TGFBR1: variants seen among roughly 807,000 people sequenced by gnomAD.
TGFBR1 encodes the protein transforming growth factor beta receptor 1, also known as TGF-beta receptor type-1.
In TGFBR1, 20 loss-of-function variants were observed where a neutral mutation model predicts 55.1. The ratio of observed to expected loss-of-function variants is 0.36; its 90% CI spans 0.26 to 0.53. TGFBR1 has a LOEUF of 0.53. Among genes scored for constraint, TGFBR1 ranks in the 20% least tolerant of loss-of-function variants. The pLI is 0.91. For synonymous variants in TGFBR1, 220 were observed against 214.8 expected, an observed-to-expected ratio of 1.02 and a Z score of -0.21; for missense variants, 385 against 617.6, an observed-to-expected ratio of 0.62 and a Z score of 3.99.
At chr9:99,107,759 G>A (rs893575366) in intron 1 of TGFBR1, among the ~76,000 whole-genome samples, 1 of 152,164 alleles carries the variant, frequency 6.6e-6, no homozygotes, top group Non-Finnish European at 1.5e-5. Context: ...CCATCTCTGA[G>A]TATCCTACCA....
intron 5 of TGFBR1, among the ~76,000 whole-genome samples, chr9:99,143,606 G>C (rs1184122727): frequency 6.6e-6 from 1 of 152,136 alleles, no homozygotes; most frequent in Non-Finnish European, 1.5e-5. Flanking sequence ...TCACATCTTA[G>C]CTCCATCTTT....
chr9:99,108,813 C>T (rs1474643142), intron 1 of TGFBR1, among the ~76,000 whole-genome samples: 1 of 152,094 alleles, frequency 6.6e-6, no homozygotes, highest in Non-Finnish European at 1.5e-5. Context: ...TAGTACATAG[C>T]TGGAAACAAA....
At chr9:99,121,887 T>C (rs1225573310) in intron 1 of TGFBR1, among the ~76,000 whole-genome samples, 2 of 152,092 alleles carry the variant, frequency 1.3e-5, no homozygotes, top group Non-Finnish European at 1.5e-5. Flanking sequence ...GCAGAGTGTT[T>C]CCTGGATGTA....
At chr9:99,134,801 A>G in intron 3 of TGFBR1, among the ~76,000 whole-genome samples, 1 of 48,978 alleles carries the variant, frequency 2.0e-5, no homozygotes, top group East Asian at 8.3e-4. Flanking sequence ...TTCTGTTTCC[A>G]TTATATATAT....
At chr9:99,111,906 G>A (rs1161399781) in intron 1 of TGFBR1, among the ~76,000 whole-genome samples, 1 of 152,186 alleles carries the variant, frequency 6.6e-6, no homozygotes, top group Non-Finnish European at 1.5e-5. Flanking sequence ...AGCAACCACA[G>A]GGACTGCTTT....
chr9:99,110,712 C>T (rs1826541827), intron 1 of TGFBR1, among the ~76,000 whole-genome samples: 1 of 152,120 alleles, frequency 6.6e-6, no homozygotes, highest in African/African-American at 2.4e-5. Flanking sequence ...TACCATAAAC[C>T]CCATCTGCCT....
intron 5 of TGFBR1, 70 bp downstream of exon 5, chr9:99,142,773 T>A: frequency 6.4e-7 from 1 of 1,573,866 alleles, no homozygotes; most frequent in Non-Finnish European, 8.7e-7. Context: ...AAATAGAAGG[T>A]GGAGGCTGGG....
chr9:99,107,386 A>G lies in TGFBR1; in HGVS notation c.97+2084A>G, dbSNP rs368604130. On this transcript the variant is annotated intron_variant, in intron 1 of 8. Coordinates refer to ENST00000374994, the MANE Select transcript of TGFBR1 (RefSeq NM_004612.4). The stretch of plus-strand genomic sequence containing the variant: ...TTCTGTCTCCAACATAGGTTTCTCT[A>G]GGGAAATTGATTCCTTATCCCTAGT... Among the ~76,000 whole-genome samples, 5 of 152,366 alleles carry G rather than the reference A, an allele frequency of 3.3e-5. No homozygotes were observed. The East Asian group carries it at 7.7e-4, about 23-fold the overall frequency.
Position 99,149,327 on chromosome 9 carries a change from C to A in TGFBR1, c.*22C>A, listed in dbSNP as rs754777682. On this transcript the variant is annotated 3_prime_UTR_variant, in exon 9 of 9. Transcript: ENST00000374994. ...GTAATTCTACAGCTTTGCCTGAACT[C>A]TCCTTTTTTCTTCAGATCTGCTCCT... is the stretch of plus-strand genomic sequence containing the variant. 1 of 1,613,140 alleles carries A rather than the reference C, an allele frequency of 6.2e-7. No individual in the cohort carries two copies. Among genetic ancestry groups the A allele is most frequent in the Non-Finnish European group, 8.5e-7 (1 of 1,179,422 alleles).
intron 4 of TGFBR1, among the ~76,000 whole-genome samples, chr9:99,139,168 G>A (rs1170516811): frequency 6.7e-6 from 1 of 149,040 alleles, no homozygotes; most frequent in African/African-American, 2.5e-5. Flanking sequence ...CCCTACCCCT[G>A]AATCAAATGT....
intron 1 of TGFBR1, among the ~76,000 whole-genome samples, chr9:99,111,685 C>T (rs1826586556): frequency 6.6e-6 from 1 of 152,116 alleles, no homozygotes; most frequent in African/African-American, 2.4e-5. Flanking sequence ...CATTCTATTT[C>T]AGCAGTTTAT....
intron 1 of TGFBR1, among the ~76,000 whole-genome samples, chr9:99,122,737 G>A (rs1826931274): frequency 6.6e-6 from 1 of 152,110 alleles, no homozygotes; most frequent in Admixed American, 6.6e-5. Flanking sequence ...AATTTTCTGT[G>A]TACACAGTAG....
At position 99,150,111 on chromosome 9, in the gene TGFBR1, T is replaced by G. The variant is rs1336662347; in HGVS notation, c.*806T>G. The G allele has an allele frequency of 5.3e-6, 1 of 188,478 alleles. No individual in the cohort carries two copies. The highest frequency in any genetic ancestry group is 2.3e-5 in the African/African-American group (1 of 42,864). The allele number at this position is 188,478 out of a possible 1,614,324, so 11.7% of individuals were successfully genotyped here. On this transcript the variant is annotated 3_prime_UTR_variant, in exon 9 of 9. Transcript: ENST00000374994. ...GTTTTTGTGGTATGTCATTTGGTAT[T>G]CTATTCTGAAAATGCCTTTCTCCTA...
At chr9:99,131,899 C>T (rs747299404) in intron 2 of TGFBR1, among the ~76,000 whole-genome samples, 2 of 150,922 alleles carry the variant, frequency 1.3e-5, no homozygotes, top group South Asian at 2.1e-4. Flanking sequence ...ACCCGGGAGG[C>T]GGAGGTTGCA....
intron 1 of TGFBR1, among the ~76,000 whole-genome samples, chr9:99,107,529 A>G (rs2118215347): frequency 6.6e-6 from 1 of 152,246 alleles, no homozygotes; most frequent in East Asian, 1.9e-4. Flanking sequence ...CAACTCTTCT[A>G]TGAATGCCTC....
chr9:99,104,266 G>A (rs1051745860), upstream of TGFBR1, among the ~76,000 whole-genome samples: 3 of 152,322 alleles, frequency 2.0e-5, no homozygotes, highest in Middle Eastern at 3.4e-3. Context: ...TGGGTGCTAA[G>A]AAGGGGGAAC....
rs201615730 is a variant in TGFBR1 at position 99,150,154 on chromosome 9, C to T, written c.*849C>T. 3 of 189,168 alleles carry T rather than the reference C, an allele frequency of 1.6e-5. No homozygotes were observed. Among genetic ancestry groups the T allele is most frequent in the Non-Finnish European group, 3.3e-5 (3 of 89,956 alleles). 11.7% of individuals were successfully genotyped at this position (189,168 alleles called of 1,614,324 possible). On this transcript the variant is annotated 3_prime_UTR_variant, in exon 9 of 9. Coordinates refer to ENST00000374994, the MANE Select transcript of TGFBR1 (RefSeq NM_004612.4). Reference sequence around the variant, plus strand: ...TTCTCCTACCAAAATGTGCTTAAGCCACTAAAGAAATGAAGTGGCATTAAT... The same window carrying T: ...TTCTCCTACCAAAATGTGCTTAAGCTACTAAAGAAATGAAGTGGCATTAAT...
intron 1 of TGFBR1, among the ~76,000 whole-genome samples, chr9:99,107,507 G>A (rs7031309): frequency 0.25 from 37,341 of 151,828 alleles, 4,882 homozygotes; most frequent in East Asian, 0.46. Flanking sequence ...CTTTGAAAAC[G>A]TGCCCCCAAT....
intron 3 of TGFBR1, among the ~76,000 whole-genome samples, chr9:99,133,905 G>A (rs1465665070): frequency 2.0e-5 from 3 of 151,632 alleles, no homozygotes; most frequent in African/African-American, 4.8e-5. Flanking sequence ...TCGGGAGGCC[G>A]AGACAGGAGA....
Sources: allele counts gnomAD v4.1 joint callset (sites outside exome capture counted in the v4.1 genomes callset), GRCh38; gene constraint gnomAD v4.1.1; transcripts MANE v1.5; gene names NCBI Gene and HGNC (gene_info 2026-07-23, HGNC 2026-07-21).